NXPH1: variants seen among roughly 807,000 people sequenced by gnomAD.
The protein encoded by NXPH1 is neurexophilin-1.
In NXPH1, 5 loss-of-function variants were observed where a neutral mutation model predicts 23.7. That is an observed-to-expected ratio of 0.21 (90% confidence interval 0.11 to 0.44). NXPH1 has a LOEUF of 0.44. NXPH1 is among the 20% of genes least tolerant of loss of function. NXPH1 has a pLI of 0.99. For synonymous variants in NXPH1, 144 were observed against 122.2 expected (o/e 1.18, Z -1.18); for missense variants, 324 against 321.6 (o/e 1.01, Z -0.06).
At chr7:8,744,155 T>C (rs538826808) in intron 2 of NXPH1, among the ~76,000 whole-genome samples, 1 of 152,334 alleles carries the variant, frequency 6.6e-6, no homozygotes, top group South Asian at 2.1e-4. Flanking sequence ...TATTTGTATA[T>C]AGTCTCAAAA....
At chr7:8,638,410 G>A (rs922613005) in intron 2 of NXPH1, among the ~76,000 whole-genome samples, 2 of 152,158 alleles carry the variant, frequency 1.3e-5, no homozygotes, top group African/African-American at 4.8e-5. Flanking sequence ...GAAACCTCTT[G>A]AAGTTTGCAT....
At chr7:8,594,678 C>T (rs528062746) in intron 2 of NXPH1, among the ~76,000 whole-genome samples, 13 of 151,920 alleles carry the variant, frequency 8.6e-5, no homozygotes, top group African/African-American at 2.9e-4. Flanking sequence ...CTCGGTGGAA[C>T]CTTCTCAAGG....
chr7:8,734,464 C>T (rs960180040), intron 2 of NXPH1, among the ~76,000 whole-genome samples: 12 of 152,104 alleles, frequency 7.9e-5, no homozygotes, highest in Admixed American at 4.6e-4. Context: ...TTACTTTGGG[C>T]AATATGGCCA....
intron 2 of NXPH1, among the ~76,000 whole-genome samples, chr7:8,449,169 AG>A (rs1816460136): frequency 6.6e-6 from 1 of 152,194 alleles, no homozygotes; most frequent in Non-Finnish European, 1.5e-5. Flanking sequence ...TGAATATCTG[AG>A]TGTGACACAT....
At chr7:8,526,964 T>C (rs961244298) in intron 2 of NXPH1, among the ~76,000 whole-genome samples, 1 of 152,128 alleles carries the variant, frequency 6.6e-6, no homozygotes, top group Non-Finnish European at 1.5e-5. Context: ...TTCCTGTTCT[T>C]GTAATACCAG....
intron 2 of NXPH1, among the ~76,000 whole-genome samples, chr7:8,739,249 T>TTGCTTGAA (rs1780320509): frequency 6.7e-6 from 1 of 150,200 alleles, no homozygotes; most frequent in South Asian, 2.1e-4. Context: ...ACCCAGTTCT[T>TTGCTTGAA]TGCTTGAAAC....
At chr7:8,563,598 A>G (rs1476940301) in intron 2 of NXPH1, among the ~76,000 whole-genome samples, 1 of 151,750 alleles carries the variant, frequency 6.6e-6, no homozygotes, top group Non-Finnish European at 1.5e-5. Flanking sequence ...AAATGTGGAG[A>G]GCTAGTATGA....
At chr7:8,642,701 C>T (rs1288636059) in intron 2 of NXPH1, among the ~76,000 whole-genome samples, 1 of 151,918 alleles carries the variant, frequency 6.6e-6, no homozygotes, top group East Asian at 1.9e-4. Context: ...TCCATATTTT[C>T]ATATTCCTTA....
intron 2 of NXPH1, among the ~76,000 whole-genome samples, chr7:8,738,475 GCCTGTTCCTTCCTCTGGAAGCTTTGTCC>G: frequency 6.6e-6 from 1 of 152,186 alleles, no homozygotes; most frequent in African/African-American, 2.4e-5. Context: ...AAAGATTGCT[GCCTGTTCCTTCCTCTGGAAGCTTTGTCC>G]CAGAGGGACA....
intron 2 of NXPH1, among the ~76,000 whole-genome samples, chr7:8,653,592 G>A (rs1191685127): frequency 6.6e-6 from 1 of 152,006 alleles, no homozygotes; most frequent in Non-Finnish European, 1.5e-5. Flanking sequence ...TTTCAATTAT[G>A]GTAATGGCAG....
intron 2 of NXPH1, among the ~76,000 whole-genome samples, chr7:8,463,265 G>T (rs947586726): frequency 1.3e-5 from 2 of 151,620 alleles, no homozygotes; most frequent in East Asian, 3.9e-4. Context: ...CCGTCTTGGA[G>T]GTATTACCAA....
At chr7:8,590,942 A>G (rs1029974121) in intron 2 of NXPH1, among the ~76,000 whole-genome samples, 2 of 152,050 alleles carry the variant, frequency 1.3e-5, no homozygotes, top group South Asian at 2.1e-4. Context: ...TTCTGAGGCT[A>G]TTAGGCTACT....
chr7:8,530,098 C>T (rs886322262), intron 2 of NXPH1, among the ~76,000 whole-genome samples: 5 of 152,236 alleles, frequency 3.3e-5, no homozygotes, highest in African/African-American at 9.6e-5. Context: ...ATGGTAGAGG[C>T]CCAGGACACT....
At chr7:8,677,655 A>G (rs1583226477) in intron 2 of NXPH1, among the ~76,000 whole-genome samples, 1 of 152,138 alleles carries the variant, frequency 6.6e-6, no homozygotes, top group African/African-American at 2.4e-5. Context: ...AGAAAGAAAG[A>G]AACCTTCCTC....
chr7:8,488,971 C>T (rs1817205750), intron 2 of NXPH1, among the ~76,000 whole-genome samples: 1 of 152,094 alleles, frequency 6.6e-6, no homozygotes, highest in Non-Finnish European at 1.5e-5. Context: ...CTCTTAATGT[C>T]CCAATACTAA....
At chr7:8,449,533 T>G (rs1027783744) in intron 2 of NXPH1, among the ~76,000 whole-genome samples, 6 of 152,250 alleles carry the variant, frequency 3.9e-5, no homozygotes, top group African/African-American at 1.2e-4. Context: ...ATATCTTTAC[T>G]GTTAATATAT....
At chr7:8,685,613 G>A (rs1341960883) in intron 2 of NXPH1, among the ~76,000 whole-genome samples, 3 of 151,762 alleles carry the variant, frequency 2.0e-5, no homozygotes, top group African/African-American at 7.3e-5. Context: ...CTTTCTTTTG[G>A]GTATGTACCC....
intron 2 of NXPH1, among the ~76,000 whole-genome samples, chr7:8,724,382 G>A (rs1046054939): frequency 4.6e-5 from 7 of 152,166 alleles, no homozygotes; most frequent in African/African-American, 1.7e-4. Context: ...TGAGTTTAGG[G>A]ACATACTAGG....
chr7:8,463,120 A>G (rs1215735329), intron 2 of NXPH1, among the ~76,000 whole-genome samples: 4 of 152,202 alleles, frequency 2.6e-5, no homozygotes, highest in African/African-American at 7.2e-5. Flanking sequence ...GTAATTCTTC[A>G]GTCATAGCCA....
Sources: allele counts gnomAD v4.1 joint callset (sites outside exome capture counted in the v4.1 genomes callset), GRCh38; gene constraint gnomAD v4.1.1; transcripts MANE v1.5; gene names NCBI Gene and HGNC (gene_info 2026-07-23, HGNC 2026-07-21).